The following PCDH15 variants were observed in gnomAD, a reference collection of about 807,000 sequenced individuals.
PCDH15 encodes protocadherin related 15.
A neutral mutation model predicts 178.5 loss-of-function variants in PCDH15; 129 were observed. That is an observed-to-expected ratio of 0.72 (90% CI 0.63 to 0.84). The LOEUF (loss-of-function observed/expected upper bound fraction) is 0.84, where lower values mean the gene tolerates loss of function less well. Ranked by LOEUF, PCDH15 falls within the 40% of genes least tolerant of loss-of-function variation. The probability of loss-of-function intolerance (pLI) is 0.00; values close to 1 mark genes in which losing one functional copy is unlikely to be tolerated. For synonymous variants in PCDH15, 800 were observed against 732.0 expected, an observed-to-expected ratio of 1.09 and a Z score of -1.50; for missense variants, 2,230 against 2,099.9, an observed-to-expected ratio of 1.06 and a Z score of -1.21.
intron 21 of PCDH15, among the ~76,000 whole-genome samples, chr10:53,962,599 A>T (rs947780872): frequency 2.0e-4 from 31 of 152,182 alleles, no homozygotes; most frequent in Admixed American, 1.4e-3. Context: ...CCGGAACCAC[A>T]TTAAAGATGA....
intron 2 of PCDH15, among the ~76,000 whole-genome samples, chr10:55,362,480 T>C (rs961702482): frequency 6.6e-6 from 1 of 152,170 alleles, no homozygotes; most frequent in Non-Finnish European, 1.5e-5. Context: ...AAATGTGATC[T>C]AGACAAACTT....
At chr10:54,485,573 T>C (rs1218540409) in intron 3 of PCDH15, among the ~76,000 whole-genome samples, 1 of 152,004 alleles carries the variant, frequency 6.6e-6, no homozygotes, top group East Asian at 1.9e-4. Context: ...ACTATTTTTG[T>C]TTTTCATGAA....
chr10:54,794,945 ATTGAAAATCAAAATTTGAGTACTT>A (rs1317791947), intron 1 of PCDH15, among the ~76,000 whole-genome samples: 1 of 151,900 alleles, frequency 6.6e-6, no homozygotes, highest in Non-Finnish European at 1.5e-5. Flanking sequence ...TTAACATAAA[ATTGAAAATCAAAATTTGAGTACTT>A]TACTTTCTGG....
chr10:54,464,708 G>C (rs1283932744), intron 3 of PCDH15, among the ~76,000 whole-genome samples: 2 of 152,130 alleles, frequency 1.3e-5, no homozygotes, highest in Non-Finnish European at 2.9e-5. Flanking sequence ...CAGTGCTCCA[G>C]TATGATAGTA....
chr10:54,974,127 T>C (rs1363031620), intron 2 of PCDH15, among the ~76,000 whole-genome samples: 8 of 150,176 alleles, frequency 5.3e-5, no homozygotes, highest in Non-Finnish European at 1.0e-4. Context: ...ATACAGATAA[T>C]ATAGGCACAA....
chr10:54,612,511 C>T (rs559145467), intron 2 of PCDH15, among the ~76,000 whole-genome samples: 2 of 151,538 alleles, frequency 1.3e-5, no homozygotes, highest in East Asian at 3.9e-4. Context: ...GGACTGGAGG[C>T]ATAAATGACA....
intron 2 of PCDH15, among the ~76,000 whole-genome samples, chr10:54,933,073 A>G (rs1837822210): frequency 6.6e-6 from 1 of 152,200 alleles, no homozygotes; most frequent in Non-Finnish European, 1.5e-5. Context: ...TACAGTATTC[A>G]GTATAGTAAC....
chr10:54,756,682 G>C (rs1947167140), intron 1 of PCDH15, among the ~76,000 whole-genome samples: 1 of 149,414 alleles, frequency 6.7e-6, no homozygotes, highest in Non-Finnish European at 1.5e-5. Flanking sequence ...GTGTGTATGT[G>C]TATGTGTCTT....
At chr10:55,614,216 G>C (rs1435363759) in intron 2 of PCDH15, among the ~76,000 whole-genome samples, 1 of 152,054 alleles carries the variant, frequency 6.6e-6, no homozygotes, top group African/African-American at 2.4e-5. Flanking sequence ...TAACAGTCAG[G>C]AAGCGTGTAG....
intron 16 of PCDH15, among the ~76,000 whole-genome samples, chr10:54,084,935 A>C (rs78682315): frequency 0.19 from 29,381 of 152,040 alleles, 3,119 homozygotes; most frequent in Non-Finnish European, 0.25. Context: ...TATACTTTAA[A>C]ATGTACAGTT....
intron 2 of PCDH15, among the ~76,000 whole-genome samples, chr10:55,509,188 G>A (rs1840825996): frequency 6.6e-6 from 1 of 151,540 alleles, no homozygotes; most frequent in South Asian, 2.1e-4. Flanking sequence ...TAAAATCAAG[G>A]ATCAAGAACA....
intron 2 of PCDH15, among the ~76,000 whole-genome samples, chr10:54,630,906 C>T (rs974150105): frequency 1.3e-5 from 2 of 152,066 alleles, no homozygotes; most frequent in Non-Finnish European, 2.9e-5. Context: ...AATGACAAAC[C>T]CTCTACATCA....
chr10:53,835,852 T>G (rs369192770), intron 29 of PCDH15, among the ~76,000 whole-genome samples: 2 of 152,302 alleles, frequency 1.3e-5, no homozygotes, highest in South Asian at 2.1e-4. Context: ...ATTTGAAAAC[T>G]TCTTTGCGTA....
At chr10:55,501,454 T>TTGCTAATTTCC (rs1445355597) in intron 2 of PCDH15, among the ~76,000 whole-genome samples, 27 of 151,780 alleles carry the variant, frequency 1.8e-4, no homozygotes, top group African/African-American at 5.6e-4. Context: ...GATTATGTAT[T>TTGCTAATTTCC]TGCTAATTTC....
At chr10:55,425,645 C>T (rs950358633) in intron 2 of PCDH15, among the ~76,000 whole-genome samples, 5 of 147,042 alleles carry the variant, frequency 3.4e-5, no homozygotes, top group African/African-American at 1.3e-4. Flanking sequence ...GAGTTACCCG[C>T]TACTAGCTTT....
At chr10:55,020,482 T>C (rs1338218465) in intron 2 of PCDH15, among the ~76,000 whole-genome samples, 1 of 151,788 alleles carries the variant, frequency 6.6e-6, no homozygotes, top group Non-Finnish European at 1.5e-5. Flanking sequence ...TATGTTGTAA[T>C]AGGAGAGAAA....
intron 9 of PCDH15, among the ~76,000 whole-genome samples, chr10:54,219,089 TA>T (rs746481539): frequency 0.013 from 1,280 of 100,116 alleles, 35 homozygotes; most frequent in African/African-American, 0.042. Context: ...CTGTCTCTAC[TA>T]AAAAAAAAAA....
chr10:53,937,167 A>C (rs2085652325), intron 25 of PCDH15, among the ~76,000 whole-genome samples: 1 of 152,198 alleles, frequency 6.6e-6, no homozygotes, highest in Admixed American at 6.5e-5. Flanking sequence ...TATTAGCCTC[A>C]GATTTACATG....
At chr10:54,397,228 T>G (rs1951347512) in intron 3 of PCDH15, among the ~76,000 whole-genome samples, 1 of 152,090 alleles carries the variant, frequency 6.6e-6, no homozygotes, top group Admixed American at 6.6e-5. Flanking sequence ...CTTGTGAGTT[T>G]TATAACCCAG....
Sources: gnomAD v4.1 joint callset for allele counts (sites outside exome capture counted in the v4.1 genomes callset) on GRCh38, gnomAD v4.1.1 for gene constraint, MANE v1.5 for transcripts, NCBI Gene and HGNC (gene_info 2026-07-23, HGNC 2026-07-21) for gene names.